The following SSR2 variants were observed in gnomAD, a reference collection of about 807,000 sequenced individuals.
The protein encoded by SSR2 is signal sequence receptor subunit 2.
In SSR2, 16 loss-of-function variants were observed where a neutral mutation model predicts 22.6. The ratio of observed to expected loss-of-function variants is 0.71; its 90% CI spans 0.48 to 1.08. SSR2 has a LOEUF of 1.08. Among genes scored for constraint, SSR2 ranks in the 50% least tolerant of loss-of-function variants. The pLI is 0.00. For synonymous variants in SSR2, 83 were observed against 91.2 expected, an observed-to-expected ratio of 0.91 and a Z score of 0.51; for missense variants, 171 against 221.6, an observed-to-expected ratio of 0.77 and a Z score of 1.45.
intron 2 of SSR2, among the ~76,000 whole-genome samples, 186 bp downstream of exon 2, chr1:156,019,827 T>A (rs192642324): frequency 1.5e-3 from 223 of 152,318 alleles, no homozygotes; most frequent in African/African-American, 4.9e-3. Context: ...GATGGTTTCT[T>A]GTAGCTTAGG....
rs199955816 is a variant in SSR2, at chr1:156,018,294, T to C, written c.230A>G (p.Asn77Ser). ...CGGGGCAATCCGGTCCCATTTGACATTGAGCATTCCAGACACAATGCCAAA... is the reference window on the plus strand; with the variant it reads ...CGGGGCAATCCGGTCCCATTTGACACTGAGCATTCCAGACACAATGCCAAA... Reference protein sequence around the residue: ...EDFGIVSGMLNVKWDRIAPAS... With the variant: ...EDFGIVSGMLSVKWDRIAPAS... The change falls in exon 3 of 6, where the codon AAT (asparagine) becomes AGT (serine). Residue 77 changes from asparagine (N) to serine (S), a missense_variant. Coordinates refer to ENST00000295702, the MANE Select transcript of SSR2 (RefSeq NM_003145.4). 5.1e-5 allele frequency: 83 copies of C among 1,613,942 alleles called. No individual in the cohort carries two copies. Among genetic ancestry groups the C allele is most frequent in the Non-Finnish European group, 6.4e-5 (76 of 1,179,968 alleles).
chr1:156,012,021 C>T (rs1682984566), intron 4 of SSR2, 134 bp from the exon 5 acceptor site: 10 of 626,922 alleles, frequency 1.6e-5, no homozygotes, highest in Non-Finnish European at 2.8e-5. Flanking sequence ...CTCAGAAGAA[C>T]TTCAAGAAGA....
chr1:156,018,085 CCTT>C (rs750642643), intron 3 of SSR2, 182 bp downstream of exon 3: 16 of 523,174 alleles, frequency 3.1e-5, no homozygotes, highest in Non-Finnish European at 4.9e-5. Flanking sequence ...TCAGTATCCT[CCTT>C]CTTCATGTCT....
intron 4 of SSR2, chr1:156,012,191 T>A: frequency 3.3e-6 from 1 of 306,772 alleles, no homozygotes; most frequent in African/African-American, 2.1e-5. Context: ...CAAATTCTTC[T>A]GTCTGAGCCT....
chr1:156,009,653 G>A lies in SSR2; in HGVS notation c.442-3C>T, dbSNP rs199724088. On this transcript the variant is annotated splice_region_variant and splice_polypyrimidine_tract_variant and intron_variant, in intron 5 of 5. Transcript: ENST00000295702. ...ACCCCAAAGGCTGCCCAGTCCAGCTGTAAAGGAAAACAAAGACCTTGCTTA... is the reference window on the plus strand; with the variant it reads ...ACCCCAAAGGCTGCCCAGTCCAGCTATAAAGGAAAACAAAGACCTTGCTTA... The A allele has an allele frequency of 2.8e-4, 453 of 1,596,092 alleles. No homozygotes were observed. Among genetic ancestry groups the A allele is most frequent in the Non-Finnish European group, 3.5e-4 (416 of 1,172,828 alleles).
chr1:156,014,792 T>C (rs536774760), intron 4 of SSR2, 169 bp downstream of exon 4: 8 of 564,402 alleles, frequency 1.4e-5, no homozygotes, highest in Non-Finnish European at 2.6e-5. Context: ...TCTGCCCACC[T>C]CGGCCTCCAA....
chr1:156,017,947 A>C (rs1218380619), intron 3 of SSR2, among the ~76,000 whole-genome samples: 1 of 150,804 alleles, frequency 6.6e-6, no homozygotes, highest in Non-Finnish European at 1.5e-5. Flanking sequence ...ACAGGGTTTC[A>C]CCATGTTGGC....
intron 4 of SSR2, chr1:156,013,660 T>C (rs1163878212): frequency 6.5e-6 from 1 of 153,260 alleles, no homozygotes; most frequent in Non-Finnish European, 1.5e-5. Flanking sequence ...AATTAGGATG[T>C]AGGGTCTGTA....
intron 5 of SSR2, chr1:156,011,549 C>A: frequency 3.7e-6 from 1 of 270,624 alleles, no homozygotes; most frequent in African/African-American, 2.2e-5. Flanking sequence ...AAAATAGACC[C>A]AGGAGTTTAA....
intron 3 of SSR2, among the ~76,000 whole-genome samples, chr1:156,016,792 C>G (rs1362034094): frequency 1.3e-5 from 2 of 152,100 alleles, no homozygotes; most frequent in East Asian, 3.9e-4. Flanking sequence ...CCTTGCCATT[C>G]TAATGATATG....
Position 156,009,544 on chromosome 1 carries a change from T to C in SSR2, c.548A>G (p.Asn183Ser). Residue 183 changes from asparagine (N) to serine (S), a missense_variant, in exon 6 of 6, where the codon AAC becomes AGC. By Grantham distance (46) the Asn-to-Ser change is conservative. Coordinates refer to ENST00000295702, the MANE Select transcript of SSR2 (RefSeq NM_003145.4). ...RKYDTPKTKK[N>S] is the part of the protein sequence containing the mutation. ...GGAGGGCTGTGGAAGCCCCAATCAG[T>C]TCTTCTTCGTTTTGGGAGTGTCATA... 6.2e-7 allele frequency: 1 copy of C among 1,610,988 alleles called. No homozygotes were observed. Among genetic ancestry groups the C allele is most frequent in the Non-Finnish European group, 8.5e-7 (1 of 1,177,834 alleles).
chr1:156,018,270 G>A lies in SSR2; in HGVS notation c.254C>T (p.Pro85Leu), dbSNP rs1478348761. The part of the protein sequence containing the change: ...MLNVKWDRIA[P>L]ASNVSHTVVL... Reference sequence around the variant, plus strand: ...TCATCACCAAGTGCCAAGAGGATACGGGGCAATCCGGTCCCATTTGACATT... The same window carrying A: ...TCATCACCAAGTGCCAAGAGGATACAGGGCAATCCGGTCCCATTTGACATT... Residue 85 changes from proline to leucine, a missense_variant and splice_region_variant, in exon 3 of 6, where the codon CCT becomes CTT. Transcript: ENST00000295702. 5.6e-6 allele frequency: 9 copies of A among 1,613,022 alleles called. No individual in the cohort carries two copies. Among genetic ancestry groups the A allele is most frequent in the East Asian group, 2.2e-5 (1 of 44,850 alleles).
intron 3 of SSR2, 47 bp downstream of exon 3, chr1:156,018,223 G>A: frequency 6.8e-7 from 1 of 1,470,908 alleles, no homozygotes; most frequent in Non-Finnish European, 9.5e-7. Flanking sequence ...TGCAGGCAAG[G>A]CTCTCCCTGC....
intron 5 of SSR2, chr1:156,011,494 T>C (rs1682977544): frequency 5.1e-6 from 1 of 196,614 alleles, no homozygotes; most frequent in South Asian, 1.1e-4. Context: ...TACCCAATGA[T>C]CTATGACCCT....
rs1170428660 is a variant in SSR2 at position 156,009,658 on chromosome 1, G to A, written c.442-8C>T. On this transcript the variant is annotated splice_region_variant and splice_polypyrimidine_tract_variant and intron_variant, in intron 5 of 5. Coordinates refer to ENST00000295702, the MANE Select transcript of SSR2 (RefSeq NM_003145.4). ...AAAGGCTGCCCAGTCCAGCTGTAAA[G>A]GAAAACAAAGACCTTGCTTAGAAGT... The A allele has an allele frequency of 2.5e-6, 4 of 1,588,622 alleles. No individual in the cohort carries two copies. The highest frequency in any genetic ancestry group is 2.6e-6 in the Non-Finnish European group (3 of 1,167,356).
chr1:156,020,045 G>A lies in SSR2; in HGVS notation c.123C>T (p.Thr41=). Residue 41 remains threonine, a synonymous_variant, in exon 2 of 6, where the codon ACC becomes ACT. Transcript: ENST00000295702. The stretch of plus-strand genomic sequence containing the variant: ...CAACATTGTAGATGTTGTACTGCAA[G>A]GTCAGGTCTCGTCCCTCCACGGCGT... ...NRYAVEGRDL[T]LQYNIYNVGS... The A allele has an allele frequency of 6.2e-7, 1 of 1,614,064 alleles. No individual in the cohort carries two copies. The highest frequency in any genetic ancestry group is 2.2e-5 in the East Asian group (1 of 44,884).
At chr1:156,018,962 G>A (rs1171947376) in intron 2 of SSR2, 1 of 156,670 alleles carries the variant, frequency 6.4e-6, no homozygotes, top group Non-Finnish European at 1.4e-5. Context: ...TTGCAGCTGG[G>A]AAGCAGAGGT....
Position 156,020,064 on chromosome 1 carries a change from A to C in SSR2, c.104T>G (p.Val35Gly). ...ASKSLLNRYA[V>G]EGRDLTLQYN... ...CTGCAAGGTCAGGTCTCGTCCCTCC[A>C]CGGCGTATCTGTTCAGCAGTGATTT... is the stretch of plus-strand genomic sequence containing the variant. Residue 35 changes from valine to glycine, a missense_variant, in exon 2 of 6, where the codon GTG becomes GGG. Physicochemically the swap from Val to Gly is moderately radical, Grantham distance 109 (BLOSUM62 -3). Coordinates refer to ENST00000295702, the MANE Select transcript of SSR2 (RefSeq NM_003145.4). The C allele has an allele frequency of 6.2e-7, 1 of 1,614,130 alleles. No individual in the cohort carries two copies. The highest frequency in any genetic ancestry group is 8.5e-7 in the Non-Finnish European group (1 of 1,180,020).
Position 156,017,739 on chromosome 1 carries a change from GTTTTTTTTTTTTT to G in SSR2, c.254+518_254+530del, listed in dbSNP as rs757236241. Among the ~76,000 whole-genome samples the G allele has an allele frequency of 1.1e-3, 67 of 61,908 alleles. 2 individuals carry two copies. The highest frequency in any genetic ancestry group is 4.0e-3 in the African/African-American group (59 of 14,824). The allele number at this position is 61,908 out of a possible 152,430, so 40.6% of individuals were successfully genotyped here. ...ATCCTCCCAGTATAGTATGTTTCAG[GTTTTTTTTTTTTT>G]TTTTTTTTTTTTTTTTGACACAGAG... On this transcript the variant is annotated intron_variant, in intron 3 of 5. Coordinates refer to ENST00000295702, the MANE Select transcript of SSR2 (RefSeq NM_003145.4).
Sources: allele counts gnomAD v4.1 joint callset (sites outside exome capture counted in the v4.1 genomes callset), GRCh38; gene constraint gnomAD v4.1.1; transcripts MANE v1.5; gene names NCBI Gene and HGNC (gene_info 2026-07-23, HGNC 2026-07-21).